Variants in ATF5 observed in about 807,000 individuals in gnomAD.
ATF5 encodes the protein activating transcription factor 5.
Under a neutral mutation model 4.6 loss-of-function variants are expected in ATF5, and 6 were observed. That is an observed-to-expected ratio of 1.31 (90% confidence interval 0.72 to 2.59). The LOEUF (loss-of-function observed/expected upper bound fraction) is 2.59, where lower values mean the gene tolerates loss of function less well. Among genes scored for constraint, ATF5 ranks in the 30% most tolerant of loss-of-function variants. The probability of loss-of-function intolerance (pLI) is 0.00; values close to 1 mark genes in which losing one functional copy is unlikely to be tolerated. For synonymous variants in ATF5, 193 were observed against 165.0 expected, an observed-to-expected ratio of 1.17 and a Z score of -1.30; for missense variants, 410 against 368.7, an observed-to-expected ratio of 1.11 and a Z score of -0.92.
rs1208792201 is a variant in ATF5, at chr19:49,933,186, T to G, written c.*94T>G. 2 of 1,326,814 alleles carry G rather than the reference T, an allele frequency of 1.5e-6. No individual in the cohort carries two copies. The highest frequency in any genetic ancestry group is 2.0e-6 in the Non-Finnish European group (2 of 992,574). The allele number at this position is 1,326,814 out of a possible 1,614,324, so 82.2% of individuals were successfully genotyped here. On this transcript the variant is annotated 3_prime_UTR_variant, in exon 3 of 3. Coordinates refer to ENST00000423777, the MANE Select transcript of ATF5 (RefSeq NM_001193646.2). ...TCATTCCAAACCCCTCTCGGCCGGGTGCAGTGGCTTATGCTTGTAATCCCA... is the reference window on the plus strand; with the variant it reads ...TCATTCCAAACCCCTCTCGGCCGGGGGCAGTGGCTTATGCTTGTAATCCCA...
Position 49,933,045 on chromosome 19 carries a change from C to T in ATF5, c.802C>T (p.Leu268Phe). ...CGAGATCCAGTACGTCAAGGACCTG[C>T]TCATCGAGGTTTACAAGGCCCGGAG... Reference protein sequence around the residue: ...EREIQYVKDLLIEVYKARSQR... With the variant: ...EREIQYVKDLFIEVYKARSQR... The change falls in exon 3 of 3, where the codon CTC becomes TTC. Residue 268 changes from leucine (L) to phenylalanine (F), a missense_variant. Transcript: ENST00000423777. The T allele has an allele frequency of 6.2e-7, 1 of 1,607,060 alleles. No homozygotes were observed.
chr19:49,929,577 C>T (rs2076018329), intron 1 of ATF5, 177 bp downstream of exon 1: 1 of 152,254 alleles, frequency 6.6e-6, no homozygotes, highest in Non-Finnish European at 1.5e-5. Flanking sequence ...GGGCCCGGGG[C>T]CGGGTGGGAG....
rs1568734610 is a variant in ATF5, at chr19:49,932,609, C to CCCACCACCCTCCCCGCCGCCACTA, written c.375_398dup (p.Ser126_Pro133dup). ...ACTTCTTCCTAGATGCCCCGCCCCT[C>CCCACCACCCTCCCCGCCGCCACTA]CCACCACCCTCCCCGCCGCCACTAC... is the stretch of plus-strand genomic sequence containing the variant. On this transcript the variant is annotated inframe_insertion, in exon 3 of 3. Coordinates refer to ENST00000423777, the MANE Select transcript of ATF5 (RefSeq NM_001193646.2). The CCCACCACCCTCCCCGCCGCCACTA allele has an allele frequency of 7.0e-6, 10 of 1,435,702 alleles. No homozygotes were observed. The highest frequency in any genetic ancestry group is 9.5e-6 in the Non-Finnish European group (10 of 1,051,864). The allele number at this position is 1,435,702 out of a possible 1,614,324, so 88.9% of individuals were successfully genotyped here. A position where few individuals can be genotyped will look rare whatever the true frequency, so the allele number is the denominator to read the frequency against.
intron 1 of ATF5, chr19:49,930,082 T>G (rs1247155760): frequency 6.6e-6 from 1 of 151,800 alleles, no homozygotes; most frequent in Non-Finnish European, 1.5e-5. Context: ...CGGAAGCACA[T>G]TGTGAGAAGG....
chr19:49,930,780 C>T lies in ATF5; in HGVS notation c.-71C>T. ...CTGTCTTCGCCCACCTGAGCATCCTCCAGAGCCTCGTGCCAGCTGCTGGTG... is the reference window on the plus strand; with the variant it reads ...CTGTCTTCGCCCACCTGAGCATCCTTCAGAGCCTCGTGCCAGCTGCTGGTG... On this transcript the variant is annotated 5_prime_UTR_variant, in exon 2 of 3. Coordinates refer to ENST00000423777, the MANE Select transcript of ATF5 (RefSeq NM_001193646.2). 1.4e-6 allele frequency: 2 copies of T among 1,384,492 alleles called. No homozygotes were observed. Among genetic ancestry groups the T allele is most frequent in the Non-Finnish European group, 1.9e-6 (2 of 1,034,608 alleles). The allele number at this position is 1,384,492 out of a possible 1,614,324, so 85.8% of individuals were successfully genotyped here. A position where few individuals can be genotyped will look rare whatever the true frequency, so the allele number is the denominator to read the frequency against.
chr19:49,932,353 G>C, intron 2 of ATF5, 69 bp from the exon 3 acceptor site: 1 of 1,503,432 alleles, frequency 6.7e-7, no homozygotes, highest in Non-Finnish European at 9.3e-7. Context: ...TGAGACGTGA[G>C]TCAGCACCCA....
At position 49,933,183 on chromosome 19, in the gene ATF5, G is replaced by A. The variant is rs779621645; in HGVS notation, c.*91G>A. 23 of 1,340,594 alleles carry A rather than the reference G, an allele frequency of 1.7e-5. No homozygotes were observed. Among genetic ancestry groups the A allele is most frequent in the African/African-American group, 7.4e-5 (5 of 67,632 alleles). The allele number at this position is 1,340,594 out of a possible 1,614,324, so 83.0% of individuals were successfully genotyped here. On this transcript the variant is annotated 3_prime_UTR_variant, in exon 3 of 3. Transcript: ENST00000423777. ...CCTTCATTCCAAACCCCTCTCGGCCGGGTGCAGTGGCTTATGCTTGTAATC... is the reference window on the plus strand; with the variant it reads ...CCTTCATTCCAAACCCCTCTCGGCCAGGTGCAGTGGCTTATGCTTGTAATC...
Position 49,930,939 on chromosome 19 carries a change from T to TC in ATF5, c.95dup (p.Ala33GlyfsTer9), listed in dbSNP as rs779909795. On this transcript the variant is annotated frameshift_variant, in exon 2 of 3. Transcript: ENST00000423777. LOFTEE classifies it high-confidence loss of function. ...GGATGGCTCGTAGACTATGGGAAACTCCCCCCGGCCCCTGCCCCCCTGGCT... is the reference window on the plus strand; with the variant it reads ...GGATGGCTCGTAGACTATGGGAAACTCCCCCCCGGCCCCTGCCCCCCTGGCT... The TC allele has an allele frequency of 6.8e-6, 11 of 1,605,860 alleles. No homozygotes were observed. Among genetic ancestry groups the TC allele is most frequent in the Non-Finnish European group, 7.6e-6 (9 of 1,176,860 alleles).
chr19:49,931,836 CGTGT>C (rs1207534181), intron 2 of ATF5, among the ~76,000 whole-genome samples: 1 of 150,240 alleles, frequency 6.7e-6, no homozygotes, highest in Non-Finnish European at 1.5e-5. Flanking sequence ...GGCATATGTG[CGTGT>C]GTATCTGTGT....
At position 49,932,535 on chromosome 19, in the gene ATF5, C is replaced by G. The variant is rs1568734426; in HGVS notation, c.292C>G (p.Leu98Val). Reference sequence around the variant, plus strand: ...CCAACCTTCCCCAACCCCACCTGACCTGGAAGCTATGGCCTCCCTCCTCAA... The same window carrying G: ...CCAACCTTCCCCAACCCCACCTGACGTGGAAGCTATGGCCTCCCTCCTCAA... Reference protein sequence around the residue: ...LPQPSPTPPDLEAMASLLKKE... With the variant: ...LPQPSPTPPDVEAMASLLKKE... The change falls in exon 3 of 3, where the codon CTG (leucine) becomes GTG (valine). Residue 98 changes from leucine to valine, a missense_variant. Physicochemically the swap from Leu to Val is conservative, Grantham distance 32. Transcript: ENST00000423777. 1 of 1,607,346 alleles carries G rather than the reference C, an allele frequency of 6.2e-7. No homozygotes were observed. Among genetic ancestry groups the G allele is most frequent in the East Asian group, 2.2e-5 (1 of 44,636 alleles).
intron 1 of ATF5, chr19:49,929,796 G>A (rs748812723): frequency 6.6e-6 from 1 of 152,278 alleles, no homozygotes. Flanking sequence ...AAGGCAATTG[G>A]ACCGCTCGGG....
At position 49,930,841 on chromosome 19, in the gene ATF5, T is replaced by G; in HGVS notation, c.-10T>G. 6.3e-7 allele frequency: 1 copy of G among 1,577,318 alleles called. No homozygotes were observed. The highest frequency in any genetic ancestry group is 8.6e-7 in the Non-Finnish European group (1 of 1,158,760). The stretch of plus-strand genomic sequence containing the variant: ...TGTTGCCATCAGTGCCCAGCACCTG[T>G]GCTACAGCCATGTCACTCCTGGCGA... On this transcript the variant is annotated 5_prime_UTR_variant, in exon 2 of 3. Coordinates refer to ENST00000423777, the MANE Select transcript of ATF5 (RefSeq NM_001193646.2).
At position 49,930,737 on chromosome 19, in the gene ATF5, C is replaced by T; in HGVS notation, c.-114C>T. ...CTCTTGTCTCACGCGTGTAGGTCTT[C>T]CACTTTCGCCTTGGTGCCTGTCTTC... On this transcript the variant is annotated 5_prime_UTR_variant, in exon 2 of 3. Transcript: ENST00000423777. The T allele has an allele frequency of 1.2e-6, 1 of 862,812 alleles. No homozygotes were observed. The highest frequency in any genetic ancestry group is 1.7e-6 in the Non-Finnish European group (1 of 584,150). 53.4% of individuals were successfully genotyped at this position (862,812 alleles called of 1,614,324 possible).
At position 49,932,666 on chromosome 19, in the gene ATF5, C is replaced by G. The variant is rs560422451; in HGVS notation, c.423C>G (p.Leu141=). The change falls in exon 3 of 3, where the codon CTC becomes CTG. Residue 141 remains leucine, a synonymous_variant. Coordinates refer to ENST00000423777, the MANE Select transcript of ATF5 (RefSeq NM_001193646.2). ...CACCACTACCACCAGCCCCCTCCCTCCCCCTGTCCCTCCCCTCCTTTGACC... is the reference window on the plus strand; with the variant it reads ...CACCACTACCACCAGCCCCCTCCCTGCCCCTGTCCCTCCCCTCCTTTGACC... ...PPPPLPPAPS[L]PLSLPSFDLP... 5 of 1,493,842 alleles carry G rather than the reference C, an allele frequency of 3.3e-6. No individual in the cohort carries two copies. The highest frequency in any genetic ancestry group is 4.6e-6 in the Non-Finnish European group (5 of 1,096,788). The allele number at this position is 1,493,842 out of a possible 1,614,324, so 92.5% of individuals were successfully genotyped here.
rs760725643 is a variant in ATF5 at position 49,932,489 on chromosome 19, CT to C, written c.248del (p.Leu83TyrfsTer35). 4.4e-6 allele frequency: 7 copies of C among 1,608,210 alleles called. No individual in the cohort carries two copies. Among genetic ancestry groups the C allele is most frequent in the Middle Eastern group, 1.7e-4 (1 of 6,012 alleles). ...CAGCTCTCCTCCCTCTGGAGCCTCC[CT>C]TACCCCCCGGCACCCTCCCCCAACC... The part of the protein sequence containing the change: ...FTALLPLEPP[L>X]PPGTLPQPSP... On this transcript the variant is annotated frameshift_variant, in exon 3 of 3. Coordinates refer to ENST00000423777, the MANE Select transcript of ATF5 (RefSeq NM_001193646.2). LOFTEE classifies it low-confidence loss of function (END_TRUNC).
In ATF5 at chr19:49,933,121, G is replaced by C. The variant is rs2076085018; in HGVS notation, c.*29G>C. On this transcript the variant is annotated 3_prime_UTR_variant, in exon 3 of 3. Coordinates refer to ENST00000423777, the MANE Select transcript of ATF5 (RefSeq NM_001193646.2). ...GGCAGGGGTGTGGCTTCTGGGGGCT[G>C]GTCTTCAGCTCTGGCGCCTTCATCC... 5.2e-6 allele frequency: 8 copies of C among 1,539,790 alleles called. No individual in the cohort carries two copies. Among genetic ancestry groups the C allele is most frequent in the Non-Finnish European group, 6.1e-6 (7 of 1,140,692 alleles).
Position 49,932,822 on chromosome 19 carries a change from A to G in ATF5, c.579A>G (p.Gln193=), listed in dbSNP as rs1483476614. ...PQQPPPPSPP[Q]PSRLAPYPHP... ...AGCCCCCTCCTCCTTCTCCACCTCA[A>G]CCTTCTCGCCTGGCCCCCTACCCAC... The change falls in exon 3 of 3, where the codon CAA becomes CAG. Residue 193 remains glutamine, a synonymous_variant. Coordinates refer to ENST00000423777, the MANE Select transcript of ATF5 (RefSeq NM_001193646.2). 16 of 1,609,324 alleles carry G rather than the reference A, an allele frequency of 9.9e-6. No homozygotes were observed. The Middle Eastern group carries it at 5.0e-4, about 50-fold the overall frequency.
chr19:49,931,343 A>C (rs375520474), intron 2 of ATF5: 15 of 395,728 alleles, frequency 3.8e-5, no homozygotes, highest in African/African-American at 2.7e-4. Flanking sequence ...CAAGTAGGTA[A>C]CATGTTGACT....
chr19:49,932,898 A>T lies in ATF5; in HGVS notation c.655A>T (p.Lys219Ter). 1 of 1,613,642 alleles carries T rather than the reference A, an allele frequency of 6.2e-7. No homozygotes were observed. Residue 219 changes from lysine (K) to a stop codon, truncating the protein, a stop_gained, in exon 3 of 3, where the codon AAG (lysine) becomes TAG (stop). Transcript: ENST00000423777. LOFTEE classifies it high-confidence loss of function. ...CAAGCAAAAGAAGAGAGACCAGAAC[A>T]AGTCGGCGGCTCTGAGGTACCGCCA... ...DRKQKKRDQN[K>*]SAALRYRQRK...
Sources: allele counts gnomAD v4.1 joint callset (sites outside exome capture counted in the v4.1 genomes callset), GRCh38; gene constraint gnomAD v4.1.1; transcripts MANE v1.5; gene names NCBI Gene and HGNC (gene_info 2026-07-23, HGNC 2026-07-21).